SCHIP1: variants seen among roughly 807,000 people sequenced by gnomAD.
The protein encoded by SCHIP1 is schwannomin interacting protein 1.
In SCHIP1, 8 loss-of-function variants were observed where a neutral mutation model predicts 29.7. That is an observed-to-expected ratio of 0.27 (90% confidence interval 0.16 to 0.49). The LOEUF is 0.49. SCHIP1 is among the 20% of genes least tolerant of loss of function. SCHIP1 has a pLI of 0.99. For missense variants in SCHIP1, 193 were observed against 294.6 expected (o/e 0.66, Z 2.52); for synonymous variants, 76 against 94.9 (o/e 0.80, Z 1.16).
the SCHIP1 span, among the ~76,000 whole-genome samples, chr3:159,680,736 C>T: frequency 2.3e-4 from 21 of 91,580 alleles, no homozygotes; most frequent in Middle Eastern, 5.0e-3. Flanking sequence ...ATATAATATA[C>T]ATATATAATA....
the SCHIP1 span, among the ~76,000 whole-genome samples, chr3:159,399,578 A>C: frequency 6.6e-6 from 1 of 152,124 alleles, no homozygotes; most frequent in East Asian, 1.9e-4. Flanking sequence ...GGGAGCCCCT[A>C]TTTCTATCAA....
the SCHIP1 span, among the ~76,000 whole-genome samples, chr3:159,339,266 A>AC: frequency 6.6e-6 from 1 of 151,548 alleles, no homozygotes; most frequent in East Asian, 1.9e-4. Flanking sequence ...AAAAAAAAAA[A>AC]AAAAAACCTT....
chr3:159,744,288 C>A, the SCHIP1 span, among the ~76,000 whole-genome samples: 1 of 151,862 alleles, frequency 6.6e-6, no homozygotes, highest in Non-Finnish European at 1.5e-5. Flanking sequence ...ACATAAAGAC[C>A]CAGTGTCTGA....
At chr3:159,660,635 C>T in the SCHIP1 span, among the ~76,000 whole-genome samples, 22 of 152,098 alleles carry the variant, frequency 1.4e-4, no homozygotes, top group African/African-American at 4.1e-4. Flanking sequence ...TAAAAAACTA[C>T]GATGAGTGTG....
At chr3:159,488,621 A>G in the SCHIP1 span, among the ~76,000 whole-genome samples, 19 of 152,184 alleles carry the variant, frequency 1.2e-4, no homozygotes, top group African/African-American at 4.3e-4. Flanking sequence ...TGCCAAGAAG[A>G]AACTAGACAT....
At chr3:159,513,685 C>T in the SCHIP1 span, among the ~76,000 whole-genome samples, 1 of 148,746 alleles carries the variant, frequency 6.7e-6, no homozygotes, top group African/African-American at 2.4e-5. Flanking sequence ...GAGAAAGGGG[C>T]TCCAAATTGC....
chr3:159,325,791 T>C, the SCHIP1 span, among the ~76,000 whole-genome samples: 1 of 152,116 alleles, frequency 6.6e-6, no homozygotes, highest in Non-Finnish European at 1.5e-5. Flanking sequence ...TACTGATGTA[T>C]TTACTATTTA....
At chr3:159,505,161 T>G in the SCHIP1 span, among the ~76,000 whole-genome samples, 2 of 152,146 alleles carry the variant, frequency 1.3e-5, no homozygotes, top group Non-Finnish European at 2.9e-5. Context: ...AAACCAAGCC[T>G]GGTCATAAAG....
chr3:159,505,845 T>C, the SCHIP1 span, among the ~76,000 whole-genome samples: 68 of 152,290 alleles, frequency 4.5e-4, no homozygotes, highest in African/African-American at 1.6e-3. Context: ...TGTATATGTG[T>C]CACATTTTCT....
chr3:159,398,187 C>T, the SCHIP1 span, among the ~76,000 whole-genome samples: 5 of 152,202 alleles, frequency 3.3e-5, no homozygotes, highest in African/African-American at 1.2e-4. Flanking sequence ...CTTCAGCTCA[C>T]ACACGGTGCG....
chr3:159,318,179 A>C, the SCHIP1 span, among the ~76,000 whole-genome samples: 1 of 152,164 alleles, frequency 6.6e-6, no homozygotes, highest in Admixed American at 6.5e-5. Flanking sequence ...AGAATGGGTC[A>C]TCCTATCCAC....
At chr3:159,685,004 AG>A in the SCHIP1 span, among the ~76,000 whole-genome samples, 1 of 152,198 alleles carries the variant, frequency 6.6e-6, no homozygotes, top group African/African-American at 2.4e-5. Flanking sequence ...TCCTGAGCTC[AG>A]GTAACCTCAC....
At chr3:159,652,075 G>A in the SCHIP1 span, among the ~76,000 whole-genome samples, 1 of 151,632 alleles carries the variant, frequency 6.6e-6, no homozygotes, top group African/African-American at 2.4e-5. Context: ...TAGCCTGATG[G>A]AGTGATTGAC....
At chr3:159,434,125 T>C in the SCHIP1 span, among the ~76,000 whole-genome samples, 2 of 152,226 alleles carry the variant, frequency 1.3e-5, no homozygotes. Flanking sequence ...TGTTTGTGGA[T>C]ATAGTGATTA....
chr3:159,404,403 A>G, the SCHIP1 span, among the ~76,000 whole-genome samples: 1 of 152,130 alleles, frequency 6.6e-6, no homozygotes. Context: ...AGAGGAGCCC[A>G]CTGCCCTGAA....
At chr3:159,704,988 A>C in the SCHIP1 span, among the ~76,000 whole-genome samples, 66 of 135,626 alleles carry the variant, frequency 4.9e-4, no homozygotes, top group Non-Finnish European at 9.5e-4. Flanking sequence ...TTTTAGAGGG[A>C]GTCTCCCTCT....
the SCHIP1 span, among the ~76,000 whole-genome samples, chr3:159,714,077 A>G: frequency 6.6e-6 from 1 of 152,124 alleles, no homozygotes. Flanking sequence ...TCTCTATTAA[A>G]AATACAAAAA....
At chr3:159,589,257 C>A in the SCHIP1 span, among the ~76,000 whole-genome samples, 1 of 152,104 alleles carries the variant, frequency 6.6e-6, no homozygotes, top group Non-Finnish European at 1.5e-5. Context: ...CATGATTTGG[C>A]TGTTTGTCTG....
the SCHIP1 span, among the ~76,000 whole-genome samples, chr3:159,759,508 T>G: frequency 1.3e-5 from 2 of 152,246 alleles, no homozygotes; most frequent in African/African-American, 2.4e-5. Flanking sequence ...TCATTATTTA[T>G]TCATTTAATT....
Sources: allele counts gnomAD v4.1 joint callset (sites outside exome capture counted in the v4.1 genomes callset), GRCh38; gene constraint gnomAD v4.1.1; transcripts MANE v1.5; gene names NCBI Gene and HGNC (gene_info 2026-07-23, HGNC 2026-07-21).